The following PRKAG2 variants were observed in gnomAD, a reference collection of about 807,000 sequenced individuals.
The protein encoded by PRKAG2 is protein kinase AMP-activated non-catalytic subunit gamma 2.
In PRKAG2, 26 loss-of-function variants were observed where a neutral mutation model predicts 69.6. The ratio of observed to expected loss-of-function variants is 0.37; its 90% CI spans 0.27 to 0.52. The LOEUF is 0.52. Among genes scored for constraint, PRKAG2 ranks in the 20% least tolerant of loss-of-function variants. The pLI, the probability that PRKAG2 is intolerant of heterozygous loss-of-function variation, is 0.90. For missense variants in PRKAG2, 557 were observed against 740.0 expected (o/e 0.75, Z 2.87); for synonymous variants, 293 against 285.0 (o/e 1.03, Z -0.28).
intron 3 of PRKAG2, among the ~76,000 whole-genome samples, chr7:151,684,088 C>T (rs554288553): frequency 6.6e-6 from 1 of 152,312 alleles, no homozygotes; most frequent in South Asian, 2.1e-4. Context: ...CCCTCTGACT[C>T]CAGAATGGCT....
At chr7:151,813,338 C>T (rs1030363949) in intron 1 of PRKAG2, among the ~76,000 whole-genome samples, 2 of 152,084 alleles carry the variant, frequency 1.3e-5, no homozygotes, top group Admixed American at 1.3e-4. Flanking sequence ...TGCTCTCCAC[C>T]TGGGTTGAAA....
intron 1 of PRKAG2, among the ~76,000 whole-genome samples, chr7:151,849,718 G>A (rs556865233): frequency 6.6e-5 from 10 of 152,178 alleles, no homozygotes; most frequent in East Asian, 1.9e-4. Context: ...CTCCTGTCTC[G>A]GCCTCTGCTG....
At chr7:151,644,274 G>A (rs996428046) in intron 4 of PRKAG2, among the ~76,000 whole-genome samples, 1 of 152,018 alleles carries the variant, frequency 6.6e-6, no homozygotes, top group Non-Finnish European at 1.5e-5. Flanking sequence ...AAATGTTAAA[G>A]AGAAAATTAA....
chr7:151,687,368 T>C (rs1834892609), intron 3 of PRKAG2, among the ~76,000 whole-genome samples: 2 of 152,238 alleles, frequency 1.3e-5, no homozygotes, highest in Non-Finnish European at 2.9e-5. Context: ...TGCTGCTTTG[T>C]GAGAGAGAGA....
At chr7:151,865,387 A>G (rs2080038269) in intron 1 of PRKAG2, among the ~76,000 whole-genome samples, 1 of 152,268 alleles carries the variant, frequency 6.6e-6, no homozygotes. Context: ...CAGCTGACAG[A>G]GAGAACAGTG....
chr7:151,806,276 A>G (rs924293298), intron 1 of PRKAG2, among the ~76,000 whole-genome samples: 8 of 152,250 alleles, frequency 5.3e-5, no homozygotes, highest in African/African-American at 1.9e-4. Context: ...GTGAACTCCT[A>G]AATTGCTCAA....
chr7:151,825,810 C>G (rs1220089461), intron 1 of PRKAG2, among the ~76,000 whole-genome samples: 1 of 152,188 alleles, frequency 6.6e-6, no homozygotes, highest in Non-Finnish European at 1.5e-5. Context: ...GACACCAGAG[C>G]ATAAAGCTGT....
chr7:151,757,491 A>G (rs1054666477), intron 3 of PRKAG2, among the ~76,000 whole-genome samples: 7 of 152,212 alleles, frequency 4.6e-5, no homozygotes, highest in Non-Finnish European at 8.8e-5. Context: ...GTGGAATGGG[A>G]GATTCGGATT....
intron 6 of PRKAG2, among the ~76,000 whole-genome samples, chr7:151,584,353 T>C (rs1214678376): frequency 6.6e-6 from 1 of 152,160 alleles, no homozygotes; most frequent in Non-Finnish European, 1.5e-5. Flanking sequence ...GAACTTGGTA[T>C]GTCCATGCCA....
chr7:151,860,123 C>T (rs1401940346), intron 1 of PRKAG2, among the ~76,000 whole-genome samples: 1 of 152,198 alleles, frequency 6.6e-6, no homozygotes, highest in Non-Finnish European at 1.5e-5. Context: ...CTCCATCTGC[C>T]TATCGGATGC....
intron 6 of PRKAG2, among the ~76,000 whole-genome samples, chr7:151,584,074 G>A (rs530079367): frequency 1.7e-4 from 26 of 152,140 alleles, no homozygotes; most frequent in African/African-American, 5.8e-4. Flanking sequence ...AAATACGGTC[G>A]TCGAGACTCT....
intron 3 of PRKAG2, among the ~76,000 whole-genome samples, chr7:151,683,343 C>A (rs954109864): frequency 6.6e-6 from 1 of 152,204 alleles, no homozygotes; most frequent in Non-Finnish European, 1.5e-5. Context: ...CCCTCAGAAG[C>A]CCCAAGCTCT....
intron 4 of PRKAG2, among the ~76,000 whole-genome samples, chr7:151,669,065 A>G (rs1003382879): frequency 5.9e-5 from 9 of 152,230 alleles, no homozygotes; most frequent in Non-Finnish European, 1.0e-4. Context: ...CCCACTGCCT[A>G]TAAGGAAACG....
chr7:151,836,482 GAAACAA>G lies in PRKAG2; in HGVS notation c.114+40019_114+40024del, dbSNP rs2079149982. Among the ~76,000 whole-genome samples, 1 of 152,234 alleles carries G rather than the reference GAAACAA, an allele frequency of 6.6e-6. No homozygotes were observed. The highest frequency in any genetic ancestry group is 6.5e-5 in the Admixed American group (1 of 15,288). On this transcript the variant is annotated intron_variant, in intron 1 of 15. Coordinates refer to ENST00000287878, the MANE Select transcript of PRKAG2 (RefSeq NM_016203.4). The surrounding 1 kb of genome is among the most constrained non-coding windows in gnomAD (Gnocchi z 4.1). ...TCCCTTCACTCAGTCACCAAAACAA[GAAACAA>G]AAACAACAACAACAACAAAGGCAAG... is the stretch of plus-strand genomic sequence containing the variant.
At chr7:151,688,334 T>C (rs1173772438) in intron 3 of PRKAG2, among the ~76,000 whole-genome samples, 1 of 152,218 alleles carries the variant, frequency 6.6e-6, no homozygotes, top group Non-Finnish European at 1.5e-5. Context: ...CTAACCTTGA[T>C]CTCTTCGAGA....
chr7:151,737,084 T>G (rs1337470708), intron 3 of PRKAG2, among the ~76,000 whole-genome samples: 1 of 152,240 alleles, frequency 6.6e-6, no homozygotes, highest in Admixed American at 6.5e-5. Context: ...CTTGACTTTT[T>G]GTCTGATAGC....
chr7:151,829,726 G>A (rs561990376), intron 1 of PRKAG2, among the ~76,000 whole-genome samples: 1 of 151,932 alleles, frequency 6.6e-6, no homozygotes, highest in Admixed American at 6.6e-5. Flanking sequence ...GTACAACATG[G>A]ATGAAACTTA....
intron 1 of PRKAG2, among the ~76,000 whole-genome samples, chr7:151,832,604 G>GGT (rs949117746): frequency 2.0e-5 from 3 of 151,432 alleles, no homozygotes; most frequent in Admixed American, 6.6e-5. Flanking sequence ...CTGGGGGGGG[G>GGT]GTCCCAGCAC....
intron 2 of PRKAG2, 45 bp downstream of exon 2, chr7:151,786,425 G>C: frequency 6.5e-7 from 1 of 1,546,936 alleles, no homozygotes; most frequent in Non-Finnish European, 8.9e-7. Context: ...TGCCTCCGTG[G>C]CACCTCAAGT....
Sources: gnomAD v4.1 joint callset for allele counts (sites outside exome capture counted in the v4.1 genomes callset) on GRCh38, gnomAD v4.1.1 for gene constraint, Gnocchi (gnomAD v3.1) non-coding constraint, MANE v1.5 for transcripts, NCBI Gene and HGNC (gene_info 2026-07-23, HGNC 2026-07-21) for gene names.